The following BORCS5 variants were observed in gnomAD, a reference collection of about 807,000 sequenced individuals.
The protein encoded by BORCS5 is BLOC-1 related complex subunit 5.
A neutral mutation model predicts 22.1 loss-of-function variants in BORCS5; 17 were observed. The observed-to-expected ratio is 0.77, with a 90% CI of 0.53 to 1.15. The LOEUF (loss-of-function observed/expected upper bound fraction) is 1.15. BORCS5 is among the 50% of genes most tolerant of loss of function. The probability of loss-of-function intolerance (pLI) is 0.00; values close to 1 mark genes in which losing one functional copy is unlikely to be tolerated. For missense variants in BORCS5, 247 were observed against 253.2 expected, an observed-to-expected ratio of 0.98 and a Z score of 0.17; for synonymous variants, 117 against 99.8, an observed-to-expected ratio of 1.17 and a Z score of -1.03.
At chr12:12,457,141 T>A (rs550451448) in intron 3 of BORCS5, among the ~76,000 whole-genome samples, 3 of 152,352 alleles carry the variant, frequency 2.0e-5, no homozygotes, top group African/African-American at 7.2e-5. Flanking sequence ...TCCTGGGAAC[T>A]GTTCTAGGAG....
chr12:12,357,355 C>T lies in BORCS5; in HGVS notation c.-97C>T. 6.6e-7 allele frequency: 1 copy of T among 1,506,738 alleles called. No individual in the cohort carries two copies. The highest frequency in any genetic ancestry group is 2.4e-5 in the East Asian group (1 of 41,008). 93.3% of individuals were successfully genotyped at this position (1,506,738 alleles called of 1,614,324 possible). A position where few individuals can be genotyped will look rare whatever the true frequency, so the allele number is the denominator to read the frequency against. ...GCTGCGGCGCCCAGACTCTGCTTTGCCTCCCCGTCCCGGTCCCTGGCCCCT... is the reference window on the plus strand; with the variant it reads ...GCTGCGGCGCCCAGACTCTGCTTTGTCTCCCCGTCCCGGTCCCTGGCCCCT... On this transcript the variant is annotated 5_prime_UTR_variant, in exon 1 of 4. Coordinates refer to ENST00000314565, the MANE Select transcript of BORCS5 (RefSeq NM_058169.6).
chr12:12,463,897 A>G (rs574596180), intron 3 of BORCS5, among the ~76,000 whole-genome samples: 6 of 152,150 alleles, frequency 3.9e-5, no homozygotes, highest in Non-Finnish European at 5.9e-5. Context: ...TCAAGCATCT[A>G]TCTAGTCTGG....
intron 2 of BORCS5, among the ~76,000 whole-genome samples, chr12:12,395,514 C>T (rs932882224): frequency 6.7e-5 from 10 of 149,372 alleles, no homozygotes; most frequent in African/African-American, 2.5e-4. Context: ...CTCGAACTCC[C>T]GACCTCAAGT....
At chr12:12,400,440 A>G (rs900731459) in intron 2 of BORCS5, among the ~76,000 whole-genome samples, 3 of 152,126 alleles carry the variant, frequency 2.0e-5, no homozygotes, top group Admixed American at 6.5e-5. Flanking sequence ...CCCCATGGGA[A>G]GTGGAGCCAT....
Position 12,461,489 on chromosome 12 carries a change from G to A in BORCS5, c.361-4057G>A, listed in dbSNP as rs377651162. On this transcript the variant is annotated intron_variant, in intron 3 of 3. Coordinates refer to ENST00000314565, the MANE Select transcript of BORCS5 (RefSeq NM_058169.6). ...ACCTGGCCAGCATTCCTATCTGTCAGTATAAGATTATATTAACTAGTGTTA... is the reference window on the plus strand; with the variant it reads ...ACCTGGCCAGCATTCCTATCTGTCAATATAAGATTATATTAACTAGTGTTA... Among the ~76,000 whole-genome samples, 14 of 152,142 alleles carry A rather than the reference G, an allele frequency of 9.2e-5. No homozygotes were observed. In the East Asian group the frequency reaches 1.9e-3, roughly 21 times the overall value.
intron 2 of BORCS5, among the ~76,000 whole-genome samples, chr12:12,381,908 C>G (rs1863782841): frequency 6.6e-6 from 1 of 151,030 alleles, no homozygotes; most frequent in African/African-American, 2.4e-5. Flanking sequence ...TGTATTTTTC[C>G]TTTTGATTCT....
intron 3 of BORCS5, among the ~76,000 whole-genome samples, chr12:12,440,656 TG>T (rs1942665826): frequency 6.6e-6 from 1 of 150,580 alleles, no homozygotes; most frequent in East Asian, 1.9e-4. Flanking sequence ...AGGGGGGCAT[TG>T]CTGCAGGGGA....
chr12:12,413,108 CTTTTTT>C (rs140916578), intron 2 of BORCS5, among the ~76,000 whole-genome samples: 3 of 20,740 alleles, frequency 1.4e-4, no homozygotes, highest in African/African-American at 4.0e-4. Flanking sequence ...GGTGATGACT[CTTTTTT>C]TTTTTTTTTT....
At chr12:12,414,566 C>T (rs1221048063) in intron 2 of BORCS5, among the ~76,000 whole-genome samples, 1 of 87,634 alleles carries the variant, frequency 1.1e-5, no homozygotes, top group Non-Finnish European at 2.3e-5. Context: ...GGGGCTGACC[C>T]CCCCACCTCC....
intron 2 of BORCS5, among the ~76,000 whole-genome samples, chr12:12,369,539 G>A (rs999243207): frequency 2.4e-4 from 37 of 151,502 alleles, no homozygotes; most frequent in African/African-American, 9.0e-4. Flanking sequence ...TTCCATTTTA[G>A]TTTCTTTTCT....
At chr12:12,447,738 G>A (rs1411375688) in intron 3 of BORCS5, among the ~76,000 whole-genome samples, 1 of 152,190 alleles carries the variant, frequency 6.6e-6, no homozygotes, top group Non-Finnish European at 1.5e-5. Flanking sequence ...CATACACGAG[G>A]GAATTACAGA....
intron 3 of BORCS5, among the ~76,000 whole-genome samples, chr12:12,464,931 GAGA>G (rs1436430310): frequency 6.6e-6 from 1 of 152,136 alleles, no homozygotes; most frequent in East Asian, 1.9e-4. Context: ...GTCCAGGGAA[GAGA>G]AGGATTGAGT....
intron 2 of BORCS5, among the ~76,000 whole-genome samples, chr12:12,410,487 CT>C (rs982332903): frequency 7.3e-4 from 111 of 152,170 alleles, no homozygotes; most frequent in African/African-American, 2.6e-3. Flanking sequence ...ATAGGGAATC[CT>C]TTCCCCATTG....
intron 2 of BORCS5, among the ~76,000 whole-genome samples, chr12:12,431,330 A>G (rs148292998): frequency 0.026 from 3,981 of 151,466 alleles, 189 homozygotes; most frequent in African/African-American, 0.089. Flanking sequence ...CTTTTCTTAT[A>G]GTTGAGGTAT....
intron 2 of BORCS5, among the ~76,000 whole-genome samples, chr12:12,373,159 C>T (rs1863568072): frequency 6.6e-6 from 1 of 152,176 alleles, no homozygotes; most frequent in Admixed American, 6.6e-5. Context: ...TTCCTTCTTC[C>T]TTCTGTTCTT....
rs546998413 is a variant in BORCS5 at position 12,451,849 on chromosome 12, C to T, written c.361-13697C>T. On this transcript the variant is annotated intron_variant, in intron 3 of 3. Coordinates refer to ENST00000314565, the MANE Select transcript of BORCS5 (RefSeq NM_058169.6). Reference sequence around the variant, plus strand: ...AGGAGAATGGCGTGAACCCAGGAGGCGGAGCTTGCAGTGAGCCGAGATCGC... The same window carrying T: ...AGGAGAATGGCGTGAACCCAGGAGGTGGAGCTTGCAGTGAGCCGAGATCGC... Among the ~76,000 whole-genome samples, 100 of 149,412 alleles carry T rather than the reference C, an allele frequency of 6.7e-4. No homozygotes were observed. The South Asian group carries it at 7.2e-3, about 11-fold the overall frequency.
intron 1 of BORCS5, among the ~76,000 whole-genome samples, chr12:12,358,401 C>T (rs1201316744): frequency 6.6e-6 from 1 of 152,200 alleles, no homozygotes; most frequent in Non-Finnish European, 1.5e-5. Flanking sequence ...CTAGTTCAGA[C>T]CTACATTCTG....
rs147966521 is a variant in BORCS5, at chr12:12,381,059, T to C, written c.202+19710T>C. On this transcript the variant is annotated intron_variant, in intron 2 of 3. Transcript: ENST00000314565. ...CCGAGTCTCACTCTGTCGCCCAGGC[T>C]GGAGTGCACTGGCGCGATCTCAGCT... Among the ~76,000 whole-genome samples, 1,154 of 147,102 alleles carry C rather than the reference T, an allele frequency of 7.8e-3. 41 individuals carry two copies. The highest frequency in any genetic ancestry group is 0.028 in the African/African-American group (1,092 of 39,072).
chr12:12,406,048 C>T (rs1941588368), intron 2 of BORCS5, among the ~76,000 whole-genome samples: 1 of 152,232 alleles, frequency 6.6e-6, no homozygotes, highest in African/African-American at 2.4e-5. Flanking sequence ...CGGACTTTGC[C>T]ACAGGGATTG....
Sources: gnomAD v4.1 joint callset for allele counts (sites outside exome capture counted in the v4.1 genomes callset) on GRCh38, gnomAD v4.1.1 for gene constraint, MANE v1.5 for transcripts, NCBI Gene and HGNC (gene_info 2026-07-23, HGNC 2026-07-21) for gene names.